Variants in CFAP47 observed in about 807,000 individuals in gnomAD.
CFAP47 encodes cilia- and flagella-associated protein 47.
Under a neutral mutation model 148.1 loss-of-function variants are expected in CFAP47, and 29 were observed. The ratio of observed to expected loss-of-function variants is 0.20; its 90% CI spans 0.15 to 0.27. The LOEUF is 0.27. CFAP47 is among the 10% of genes least tolerant of loss of function. The pLI is 1.00. For synonymous variants in CFAP47, 664 were observed against 577.3 expected, an observed-to-expected ratio of 1.15 and a Z score of -2.15; for missense variants, 1,872 against 1,697.5, an observed-to-expected ratio of 1.10 and a Z score of -1.81.
chrX:36,158,022 G>A (rs1376792284), intron 37 of CFAP47, among the ~76,000 whole-genome samples: 1 of 111,498 alleles, frequency 9.0e-6, no homozygotes, highest in Admixed American at 9.6e-5. Context: ...GTTGTGAGCT[G>A]TAATTTTCCC....
At chrX:36,342,586 G>T in intron 57 of CFAP47, among the ~76,000 whole-genome samples, 1 of 110,801 alleles carries the variant, frequency 9.0e-6, no homozygotes, top group Non-Finnish European at 1.9e-5. Context: ...ATGCTATGAA[G>T]CTAGCATTTC....
intron 34 of CFAP47, 99 bp downstream of exon 34, chrX:36,138,154 T>C (rs1327253748): frequency 3.8e-6 from 2 of 529,630 alleles, no homozygotes; most frequent in Non-Finnish European, 5.9e-6. Context: ...ATTTCGAATG[T>C]CTTACATTCA....
intron 45 of CFAP47, among the ~76,000 whole-genome samples, chrX:36,210,412 T>C (rs1336415037): frequency 1.8e-5 from 2 of 112,378 alleles, no homozygotes; most frequent in African/African-American, 6.5e-5. Flanking sequence ...TGAGCAGAAG[T>C]AGTGTCTCAC....
intron 49 of CFAP47, among the ~76,000 whole-genome samples, chrX:36,270,825 T>G (rs1940950432): frequency 1.8e-5 from 2 of 108,975 alleles, no homozygotes; most frequent in South Asian, 7.6e-4. Context: ...AACTTGCCTT[T>G]TTTTCTTCAT....
At chrX:36,211,417 TTTTTC>T (rs1411377522) in intron 45 of CFAP47, 10 of 237,857 alleles carry the variant, frequency 4.2e-5, no homozygotes, top group Admixed American at 9.0e-5. Flanking sequence ...CCTTCGGCCT[TTTTTC>T]TGTTCTGTTC....
chrX:36,304,368 C>T (rs992603983), intron 54 of CFAP47, among the ~76,000 whole-genome samples: 64 of 102,182 alleles, frequency 6.3e-4, no homozygotes, highest in Non-Finnish European at 1.1e-3. Context: ...GACGATAGAA[C>T]GAGACTCTGT....
chrX:36,179,365 C>T lies in CFAP47; in HGVS notation c.6047C>T (p.Ser2016Leu), dbSNP rs988356749. The T allele has an allele frequency of 3.4e-6, 1 of 295,449 alleles. No individual in the cohort carries two copies. Among genetic ancestry groups the T allele is most frequent in the Non-Finnish European group, 5.9e-6 (1 of 169,616 alleles). 24.3% of individuals were successfully genotyped at this position (295,449 alleles called of 1,213,427 possible). A position where few individuals can be genotyped will look rare whatever the true frequency, so the allele number is the denominator to read the frequency against. Residue 2016 changes from serine to leucine, a missense_variant, in exon 40 of 64, where the codon TCA becomes TTA. Transcript: ENST00000378653. ...GDFSVILVESSTFVSSPTKLT... is the reference protein window; with the variant it reads ...GDFSVILVESLTFVSSPTKLT... ...TCCAGTGTCATTTTGGTGGAATCCT[C>T]AACATTTGTCTCTTCGCCAACGAAG...
intron 47 of CFAP47, 86 bp downstream of exon 47, chrX:36,236,163 A>T: frequency 2.9e-6 from 1 of 349,740 alleles, no homozygotes; most frequent in Non-Finnish European, 5.0e-6. Flanking sequence ...CTTTTAATTG[A>T]TAGTACAACT....
At chrX:36,215,985 A>G (rs1378443461) in intron 45 of CFAP47, among the ~76,000 whole-genome samples, 2 of 111,743 alleles carry the variant, frequency 1.8e-5, no homozygotes, top group African/African-American at 6.5e-5. Context: ...TTAATTACCC[A>G]CAAGTGTGTT....
chrX:36,233,448 T>C (rs1388680248), intron 46 of CFAP47, among the ~76,000 whole-genome samples: 2 of 111,392 alleles, frequency 1.8e-5, no homozygotes, highest in African/African-American at 6.5e-5. Flanking sequence ...CCTGCCTTTT[T>C]TTGTTTTCCA....
chrX:35,945,931 G>A (rs1245708250), intron 3 of CFAP47, among the ~76,000 whole-genome samples: 14 of 98,101 alleles, frequency 1.4e-4, no homozygotes, highest in South Asian at 5.3e-4. Flanking sequence ...GGAGTGCAGC[G>A]GCGTGCTCTT....
At chrX:36,346,165 T>C (rs1941695716) in intron 57 of CFAP47, among the ~76,000 whole-genome samples, 1 of 111,396 alleles carries the variant, frequency 9.0e-6, no homozygotes, top group Non-Finnish European at 1.9e-5. Context: ...CCTCTGGAAA[T>C]TTGTCCAAGA....
intron 57 of CFAP47, among the ~76,000 whole-genome samples, chrX:36,345,491 T>A (rs1334662826): frequency 9.0e-6 from 1 of 111,346 alleles, no homozygotes; most frequent in Non-Finnish European, 1.9e-5. Flanking sequence ...GAGGCAGAGC[T>A]CAGGTGGTAA....
intron 30 of CFAP47, among the ~76,000 whole-genome samples, chrX:36,091,885 C>T (rs1450681449): frequency 9.0e-6 from 1 of 111,084 alleles, no homozygotes; most frequent in African/African-American, 3.3e-5. Context: ...GAGGGTATTT[C>T]CAGAATTGAG....
At chrX:36,103,501 G>GAAAAAAAAAAA (rs61501194) in intron 32 of CFAP47, among the ~76,000 whole-genome samples, 1 of 15,056 alleles carries the variant, frequency 6.6e-5, no homozygotes, top group African/African-American at 2.4e-4. Context: ...TCATATGCCA[G>GAAAAAAAAAAA]AAAAAAAAAA....
At position 36,104,359 on chromosome X, in the gene CFAP47, A is replaced by G. The variant is rs182350715; in HGVS notation, c.5128-140A>G. Reference sequence around the variant, plus strand: ...TGGGACACATCTGTTCTACTCTTTTACTTCTGATTGAATCCATTTAACCAG... The same window carrying G: ...TGGGACACATCTGTTCTACTCTTTTGCTTCTGATTGAATCCATTTAACCAG... On this transcript the variant is annotated intron_variant, in intron 32 of 63. Coordinates refer to ENST00000378653, the MANE Select transcript of CFAP47 (RefSeq NM_001304548.2). The G allele has an allele frequency of 5.1e-4, 163 of 322,569 alleles. 1 individual carries two copies. The East Asian group carries it at 5.3e-3, about 10-fold the overall frequency. 26.6% of individuals were successfully genotyped at this position (322,569 alleles called of 1,213,427 possible). A position where few individuals can be genotyped will look rare whatever the true frequency, so the allele number is the denominator to read the frequency against.
At chrX:36,270,058 T>G (rs1556001605) in intron 49 of CFAP47, among the ~76,000 whole-genome samples, 1 of 112,163 alleles carries the variant, frequency 8.9e-6, no homozygotes, top group Non-Finnish European at 1.9e-5. Context: ...TCCATTTACC[T>G]GTTGATAAAC....
intron 33 of CFAP47, among the ~76,000 whole-genome samples, chrX:36,135,302 A>T (rs186084226): frequency 3.3e-4 from 37 of 111,532 alleles, no homozygotes; most frequent in East Asian, 1.4e-3. Context: ...AAACTTTTTT[A>T]AAAAAAGAAT....
intron 2 of CFAP47, among the ~76,000 whole-genome samples, chrX:35,927,608 T>G (rs1275248900): frequency 9.0e-6 from 1 of 110,594 alleles, no homozygotes; most frequent in Non-Finnish European, 1.9e-5. Context: ...TGTGTGTGTG[T>G]GTGTGTGTGT....
Sources: allele counts gnomAD v4.1 joint callset (sites outside exome capture counted in the v4.1 genomes callset), GRCh38; gene constraint gnomAD v4.1.1; transcripts MANE v1.5; gene names NCBI Gene and HGNC (gene_info 2026-07-23, HGNC 2026-07-21).